The following C2CD3 variants were observed in gnomAD, a reference collection of about 807,000 sequenced individuals.
The protein encoded by C2CD3 is C2 domain containing 3 centriole elongation regulator.
A neutral mutation model predicts 234.0 loss-of-function variants in C2CD3; 148 were observed. The ratio of observed to expected loss-of-function variants is 0.63; its 90% CI spans 0.55 to 0.72. The LOEUF (loss-of-function observed/expected upper bound fraction) is 0.72, where lower values mean the gene tolerates loss of function less well. Among genes scored for constraint, C2CD3 ranks in the 30% least tolerant of loss-of-function variants. The pLI, the probability that C2CD3 is intolerant of heterozygous loss-of-function variation, is 0.00. For missense variants in C2CD3, 2,577 were observed against 2,811.5 expected, an observed-to-expected ratio of 0.92 and a Z score of 1.89; for synonymous variants, 1,000 against 1,035.4, an observed-to-expected ratio of 0.97 and a Z score of 0.66.
chr11:74,166,335 ACC>A (rs1292124185), intron 2 of C2CD3, among the ~76,000 whole-genome samples: 10 of 147,726 alleles, frequency 6.8e-5, no homozygotes, highest in African/African-American at 2.5e-4. Context: ...AAAAAAAAAA[ACC>A]ATGTCATGTC....
Position 74,044,131 on chromosome 11 carries a change from T to G in C2CD3, c.5496-1913A>C, listed in dbSNP as rs577655455. On this transcript the variant is annotated intron_variant, in intron 28 of 32. Coordinates refer to ENST00000334126, the MANE Select transcript of C2CD3 (RefSeq NM_001286577.2). Reference sequence around the variant, plus strand: ...TGCTGGGATTACAGGTGTGAGCCACTGCACCCAGTCCCCTTTATATGTTCT... The same window carrying G: ...TGCTGGGATTACAGGTGTGAGCCACGGCACCCAGTCCCCTTTATATGTTCT... Among the ~76,000 whole-genome samples the G allele has an allele frequency of 6.1e-5, 9 of 148,196 alleles. No individual in the cohort carries two copies. The East Asian group carries it at 1.6e-3, about 26-fold the overall frequency.
At chr11:74,097,950 A>T in intron 16 of C2CD3, 59 bp downstream of exon 16, 1 of 1,544,926 alleles carries the variant, frequency 6.5e-7, no homozygotes, top group Non-Finnish European at 8.8e-7. Flanking sequence ...CAATAAATTC[A>T]CTAAAATATG....
rs1956397853 is a variant in C2CD3 at position 74,103,506 on chromosome 11, T to C, written c.2205A>G (p.Glu735=). Residue 735 remains glutamate (E), a synonymous_variant, in exon 14 of 33, where the codon GAA becomes GAG. Coordinates refer to ENST00000334126, the MANE Select transcript of C2CD3 (RefSeq NM_001286577.2). ...TGGTACAGGTCATATCTTGGTTAAGTTCTGGTAGTGCCTTATTTGGACTTG... is the reference window on the plus strand; with the variant it reads ...TGGTACAGGTCATATCTTGGTTAAGCTCTGGTAGTGCCTTATTTGGACTTG... The part of the protein sequence containing the change: ...APTSPNKALP[E]LNQDMTCTKN... 6.2e-7 allele frequency: 1 copy of C among 1,614,108 alleles called. No individual in the cohort carries two copies. Among genetic ancestry groups the C allele is most frequent in the Non-Finnish European group, 8.5e-7 (1 of 1,180,040 alleles).
At chr11:74,021,315 G>A (rs981316448) in intron 32 of C2CD3, among the ~76,000 whole-genome samples, 1 of 152,148 alleles carries the variant, frequency 6.6e-6, no homozygotes, top group Non-Finnish European at 1.5e-5. Context: ...CCCTTTAATC[G>A]AAATTGAGAA....
intron 12 of C2CD3, 46 bp downstream of exon 12, chr11:74,108,988 A>G: frequency 1.1e-6 from 1 of 926,228 alleles, no homozygotes; most frequent in Non-Finnish European, 1.8e-6. Flanking sequence ...TATCCTCCAA[A>G]TCCCTAGTGT....
At position 74,034,043 on chromosome 11, in the gene C2CD3, C is replaced by A. The variant is rs780193120; in HGVS notation, c.6117G>T (p.Arg2039Ser). 172 of 1,536,460 alleles carry A rather than the reference C, an allele frequency of 1.1e-4. No individual in the cohort carries two copies. In the African/African-American group the frequency reaches 2.1e-3, roughly 19 times the overall value. Reference protein sequence around the residue: ...NGGRMLHESLRHAVPITRMQS... With the variant: ...NGGRMLHESLSHAVPITRMQS... Reference sequence around the variant, plus strand: ...GCATCCTTGTAATGGGTACTGCATGCCTCAGGGACTCATGGAGCATTCTTC... The same window carrying A: ...GCATCCTTGTAATGGGTACTGCATGACTCAGGGACTCATGGAGCATTCTTC... Residue 2039 changes from arginine to serine, a missense_variant, in exon 31 of 33, where the codon AGG (arginine) becomes AGT (serine). Physicochemically the swap from Arg to Ser is moderately radical, Grantham distance 110. Coordinates refer to ENST00000334126, the MANE Select transcript of C2CD3 (RefSeq NM_001286577.2).
At chr11:74,154,382 TG>T (rs1475556607) in intron 3 of C2CD3, among the ~76,000 whole-genome samples, 2 of 152,086 alleles carry the variant, frequency 1.3e-5, no homozygotes, top group East Asian at 3.9e-4. Flanking sequence ...GCTTCTGAGT[TG>T]TAGTCCTCAA....
rs552308879 is a variant in C2CD3 at position 74,095,152 on chromosome 11, C to G, written c.3160+76G>C. ...AATATTCAACAACACAAAATTCACT[C>G]AGAAAAAAAAAACTCTTAAGTATAA... On this transcript the variant is annotated intron_variant, in intron 17 of 32. Transcript: ENST00000334126. The G allele has an allele frequency of 2.6e-5, 26 of 1,003,336 alleles. No homozygotes were observed. The East Asian group carries it at 7.8e-4, about 30-fold the overall frequency. The allele number at this position is 1,003,336 out of a possible 1,614,324, so 62.2% of individuals were successfully genotyped here.
chr11:74,084,942 G>A lies in C2CD3; in HGVS notation c.3939C>T (p.Cys1313=). 1.2e-6 allele frequency: 2 copies of A among 1,611,256 alleles called. No individual in the cohort carries two copies. The highest frequency in any genetic ancestry group is 4.5e-5 in the East Asian group (2 of 44,838). The change falls in exon 22 of 33, where the codon TGC becomes TGT. Residue 1313 remains cysteine, a synonymous_variant. Coordinates refer to ENST00000334126, the MANE Select transcript of C2CD3 (RefSeq NM_001286577.2). ...TTACTACTCCAAGCAGATACTCTTTGCATGACTCAATACTGATTATATCAC... is the reference window on the plus strand; with the variant it reads ...TTACTACTCCAAGCAGATACTCTTTACATGACTCAATACTGATTATATCAC... The part of the protein sequence containing the change: ...SASDIISIES[C]KEYLLGVVKV...
chr11:74,066,372 A>T (rs1434571558), intron 24 of C2CD3, among the ~76,000 whole-genome samples: 3 of 151,716 alleles, frequency 2.0e-5, no homozygotes, highest in Non-Finnish European at 4.4e-5. Context: ...ATCTGCACAC[A>T]TATGTAACAA....
At chr11:74,161,365 T>A (rs1319734183) in intron 3 of C2CD3, 34 bp downstream of exon 3, 1 of 1,430,302 alleles carries the variant, frequency 7.0e-7, no homozygotes, top group African/African-American at 1.4e-5. Flanking sequence ...AAAAAGTTTA[T>A]TTTATGCAGC....
Position 74,118,331 on chromosome 11 carries a change from G to A in C2CD3, c.1417C>T (p.Pro473Ser). 6.2e-7 allele frequency: 1 copy of A among 1,612,396 alleles called. No homozygotes were observed. Reference protein sequence around the residue: ...DFLSEEDDIVPSKKISQSTAL... With the variant: ...DFLSEEDDIVSSKKISQSTAL... ...GTTGACTGGCTTATTTTTTTAGAAG[G>A]GACGATATCATCCTCTTCACTGAGG... Residue 473 changes from proline (P) to serine (S), a missense_variant, in exon 9 of 33, where the codon CCT (proline) becomes TCT (serine). Coordinates refer to ENST00000334126, the MANE Select transcript of C2CD3 (RefSeq NM_001286577.2).
intron 7 of C2CD3, among the ~76,000 whole-genome samples, chr11:74,130,979 AT>A (rs1957655641): frequency 6.6e-6 from 1 of 151,134 alleles, no homozygotes; most frequent in African/African-American, 2.4e-5. Context: ...TTGATTTTTT[AT>A]TTTTTTGAGA....
At chr11:74,170,660 G>A in intron 1 of C2CD3, 78 bp downstream of exon 1, 1 of 1,504,990 alleles carries the variant, frequency 6.6e-7, no homozygotes, top group Non-Finnish European at 9.2e-7. Context: ...TTATCCAGCG[G>A]GGGTGCGGGT....
In C2CD3 at chr11:74,078,098, T is replaced by G. The variant is rs1237298469; in HGVS notation, c.4603+17A>C. The G allele has an allele frequency of 1.2e-6, 2 of 1,603,798 alleles. No individual in the cohort carries two copies. Among genetic ancestry groups the G allele is most frequent in the African/African-American group, 2.7e-5 (2 of 74,688 alleles). On this transcript the variant is annotated intron_variant, in intron 23 of 32. Coordinates refer to ENST00000334126, the MANE Select transcript of C2CD3 (RefSeq NM_001286577.2). ...AGGTGCTCAAACTACAAGAGTTGAATCAGGCTCCTCACTTACCACTGACAG... is the reference window on the plus strand; with the variant it reads ...AGGTGCTCAAACTACAAGAGTTGAAGCAGGCTCCTCACTTACCACTGACAG...
chr11:74,108,547 T>C (rs1216716977), intron 12 of C2CD3, among the ~76,000 whole-genome samples: 3 of 152,228 alleles, frequency 2.0e-5, no homozygotes, highest in Admixed American at 6.5e-5. Context: ...GGATACCTTA[T>C]GTATTCTGCC....
At position 74,054,449 on chromosome 11, in the gene C2CD3, T is replaced by C. The variant is rs826090; in HGVS notation, c.5155+158A>G. On this transcript the variant is annotated intron_variant, in intron 26 of 32. Coordinates refer to ENST00000334126, the MANE Select transcript of C2CD3 (RefSeq NM_001286577.2). ...GAGAATAATGTGGCCTTCTGGGGGA[T>C]TACCCTCTACCACATATCTGCATTC... 0.038 allele frequency among the ~76,000 whole-genome samples: 5,504 copies of C among 146,654 alleles called. 358 individuals carry two copies. Among genetic ancestry groups the C allele is most frequent in the African/African-American group, 0.13 (5,237 of 38,944 alleles).
At chr11:74,111,089 C>T (rs1790404) in intron 11 of C2CD3, among the ~76,000 whole-genome samples, 92,197 of 152,112 alleles carry the variant, frequency 0.61, 30,038 homozygotes, top group African/African-American at 0.87. Context: ...GGAATCGAAA[C>T]GGTGCTAGGT....
rs560436026 is a variant in C2CD3 at position 74,014,956 on chromosome 11, C to T, written c.6922-1431G>A. Among the ~76,000 whole-genome samples, 12 of 152,362 alleles carry T rather than the reference C, an allele frequency of 7.9e-5. No individual in the cohort carries two copies. In the South Asian group the frequency reaches 1.2e-3, roughly 16 times the overall value. On this transcript the variant is annotated intron_variant, in intron 32 of 32. Transcript: ENST00000334126. ...GCAAAGTGATACTAGGGCTGGGCTG[C>T]ACAGCAGAGACTAGAAGATCTATCT... is the stretch of plus-strand genomic sequence containing the variant.
Sources: allele counts gnomAD v4.1 joint callset (sites outside exome capture counted in the v4.1 genomes callset), GRCh38; gene constraint gnomAD v4.1.1; transcripts MANE v1.5; gene names NCBI Gene and HGNC (gene_info 2026-07-23, HGNC 2026-07-21).